MALRD1: variants seen among roughly 807,000 people sequenced by gnomAD.
MALRD1 encodes MAM and LDL receptor class A domain containing 1, also known as MAM and LDL-receptor class A domain-containing protein 1.
MALRD1 carries 247 observed loss-of-function variants against 242.1 expected under a neutral mutation model. The observed-to-expected ratio is 1.02, with a 90% CI of 0.92 to 1.13. The LOEUF is 1.13. MALRD1 is among the 50% of genes most tolerant of loss of function. MALRD1 has a pLI of 0.00. For missense variants in MALRD1, 2,989 were observed against 2,533.1 expected, an observed-to-expected ratio of 1.18 and a Z score of -3.86; for synonymous variants, 995 against 866.6, an observed-to-expected ratio of 1.15 and a Z score of -2.60.
chr10:19,703,852 G>C (rs1227839967), intron 38 of MALRD1, among the ~76,000 whole-genome samples: 1 of 152,122 alleles, frequency 6.6e-6, no homozygotes, highest in African/African-American at 2.4e-5. Flanking sequence ...CTGAGATTGT[G>C]CCACTGCACT....
chr10:19,133,280 A>G (rs928200321), intron 8 of MALRD1, among the ~76,000 whole-genome samples: 4 of 152,170 alleles, frequency 2.6e-5, no homozygotes, highest in African/African-American at 9.6e-5. Context: ...CATAACATAG[A>G]TTTCTCTAAA....
At chr10:19,253,813 T>C (rs1839394460) in intron 18 of MALRD1, among the ~76,000 whole-genome samples, 1 of 151,956 alleles carries the variant, frequency 6.6e-6, no homozygotes, top group Non-Finnish European at 1.5e-5. Flanking sequence ...ACAAATCTGA[T>C]TTCTTTCCCA....
chr10:19,586,106 T>G (rs1163332066), intron 33 of MALRD1, among the ~76,000 whole-genome samples: 2 of 152,126 alleles, frequency 1.3e-5, no homozygotes, highest in Admixed American at 6.5e-5. Context: ...TCTGTATTGG[T>G]TATTCTAGTT....
At chr10:19,196,082 C>T (rs1030496647) in intron 14 of MALRD1, among the ~76,000 whole-genome samples, 1 of 152,170 alleles carries the variant, frequency 6.6e-6, no homozygotes, top group Non-Finnish European at 1.5e-5. Context: ...CCGAAGTAAA[C>T]TGTCCGTGTT....
chr10:19,500,606 T>C (rs1317880847), intron 31 of MALRD1, among the ~76,000 whole-genome samples: 2 of 152,198 alleles, frequency 1.3e-5, no homozygotes, highest in Admixed American at 6.5e-5. Flanking sequence ...CTAAACCCAA[T>C]TTACAAAGCA....
chr10:19,595,011 A>T (rs1440692495), intron 33 of MALRD1, among the ~76,000 whole-genome samples, 183 bp from the exon 34 acceptor site: 1 of 152,194 alleles, frequency 6.6e-6, no homozygotes, highest in Admixed American at 6.5e-5. Flanking sequence ...TGTTCCTGAC[A>T]TTATGATAAG....
At chr10:19,149,013 TA>T (rs1833833113) in intron 11 of MALRD1, among the ~76,000 whole-genome samples, 1 of 152,008 alleles carries the variant, frequency 6.6e-6, no homozygotes, top group African/African-American at 2.4e-5. Context: ...AGTGGAGTTC[TA>T]GTTCATTTTG....
At chr10:19,287,422 T>C (rs1347511331) in intron 21 of MALRD1, among the ~76,000 whole-genome samples, 1 of 152,156 alleles carries the variant, frequency 6.6e-6, no homozygotes, top group Non-Finnish European at 1.5e-5. Context: ...TGTATATTTA[T>C]ACACAGTTCT....
In MALRD1 at chr10:19,283,179, A is replaced by C. The variant is rs1013238739; in HGVS notation, c.3417A>C (p.Thr1139=). ...ACCACAGGCCATCAGTGGATCATAC[A>C]CAGTAAGTGACCATGTATTTTGAAT... ...EENHRPSVDH[T]QNTTDGWYLY... The change falls in exon 21 of 40, where the codon ACA becomes ACC. Residue 1139 remains threonine, a splice_region_variant and synonymous_variant. Coordinates refer to ENST00000454679, the MANE Select transcript of MALRD1 (RefSeq NM_001142308.3). 2.6e-6 allele frequency: 4 copies of C among 1,526,336 alleles called. No individual in the cohort carries two copies. In the South Asian group the frequency reaches 5.0e-5, roughly 19 times the overall value. The allele number at this position is 1,526,336 out of a possible 1,614,324, so 94.5% of individuals were successfully genotyped here.
chr10:19,338,335 C>G (rs1362980400), intron 24 of MALRD1, among the ~76,000 whole-genome samples: 1 of 152,028 alleles, frequency 6.6e-6, no homozygotes, highest in Non-Finnish European at 1.5e-5. Flanking sequence ...GTTTATTCCT[C>G]TCTACCCTTA....
At chr10:19,369,590 T>G (rs1178084976) in intron 26 of MALRD1, among the ~76,000 whole-genome samples, 1 of 149,400 alleles carries the variant, frequency 6.7e-6, no homozygotes, top group Non-Finnish European at 1.5e-5. Context: ...TATATCCATA[T>G]AAATATAGCC....
At chr10:19,456,195 AC>A (rs1377873515) in intron 29 of MALRD1, among the ~76,000 whole-genome samples, 12 of 151,868 alleles carry the variant, frequency 7.9e-5, no homozygotes, top group African/African-American at 2.9e-4. Context: ...AAACACTCAC[AC>A]CCCCCGAATA....
At chr10:19,404,484 C>T (rs1847003360) in intron 28 of MALRD1, among the ~76,000 whole-genome samples, 1 of 152,030 alleles carries the variant, frequency 6.6e-6, no homozygotes, top group Non-Finnish European at 1.5e-5. Context: ...AAATCTTCCA[C>T]TTATTTTCCT....
chr10:19,615,544 G>GGA (rs1242087454), intron 35 of MALRD1, among the ~76,000 whole-genome samples: 64 of 95,222 alleles, frequency 6.7e-4, no homozygotes, highest in African/African-American at 2.5e-3. Flanking sequence ...AAGAGGAAGA[G>GGA]AGAAAGAAAA....
chr10:19,670,337 C>T (rs1423548736), intron 36 of MALRD1, among the ~76,000 whole-genome samples: 10 of 152,174 alleles, frequency 6.6e-5, no homozygotes, highest in Non-Finnish European at 1.3e-4. Flanking sequence ...ATCAGCCAGC[C>T]TTCACCTGTT....
chr10:19,466,292 G>A (rs1239152773), intron 29 of MALRD1, among the ~76,000 whole-genome samples: 1 of 151,920 alleles, frequency 6.6e-6, no homozygotes, highest in African/African-American at 2.4e-5. Flanking sequence ...ATTGTTCCTA[G>A]TAATTTTGAT....
intron 11 of MALRD1, 106 bp from the exon 12 acceptor site, chr10:19,154,964 ACTTTT>A (rs1834085652): frequency 4.0e-6 from 2 of 494,894 alleles, no homozygotes; most frequent in Admixed American, 4.4e-5. Flanking sequence ...TAAAAAATGT[ACTTTT>A]CTTTAATTGA....
rs1449991583 is a variant in MALRD1 at position 19,692,541 on chromosome 10, A to G, written c.6301A>G (p.Lys2101Glu). 1 of 1,535,390 alleles carries G rather than the reference A, an allele frequency of 6.5e-7. No individual in the cohort carries two copies. Among genetic ancestry groups the G allele is most frequent in the East Asian group, 2.4e-5 (1 of 40,844 alleles). The part of the protein sequence containing the change: ...VAVLCFLANR[K>E]VPIRKTEGSG... ...AGTCTTGTGTTTTCTTGCAAACAGAAAGGTACCAATAAGGTAAGTGATGCC... is the reference window on the plus strand; with the variant it reads ...AGTCTTGTGTTTTCTTGCAAACAGAGAGGTACCAATAAGGTAAGTGATGCC... The change falls in exon 38 of 40, where the codon AAG becomes GAG. Residue 2101 changes from lysine (K) to glutamate (E), a missense_variant. Physicochemically the swap from Lys to Glu is moderately conservative, Grantham distance 56. Transcript: ENST00000454679.
At chr10:19,712,905 T>C (rs1834199672) in intron 38 of MALRD1, among the ~76,000 whole-genome samples, 1 of 152,212 alleles carries the variant, frequency 6.6e-6, no homozygotes, top group Non-Finnish European at 1.5e-5. Flanking sequence ...TCCCTGTCAA[T>C]AGAACAGAGC....
Sources: gnomAD v4.1 joint callset for allele counts (sites outside exome capture counted in the v4.1 genomes callset) on GRCh38, gnomAD v4.1.1 for gene constraint, MANE v1.5 for transcripts, NCBI Gene and HGNC (gene_info 2026-07-23, HGNC 2026-07-21) for gene names.